FRYL: variants seen among roughly 807,000 people sequenced by gnomAD.
The protein encoded by FRYL is protein furry homolog-like.
Under a neutral mutation model 351.2 loss-of-function variants are expected in FRYL, and 150 were observed. That is an observed-to-expected ratio of 0.43 (90% CI 0.37 to 0.49). FRYL has a LOEUF of 0.49. Ranked by LOEUF, FRYL falls within the 20% of genes least tolerant of loss-of-function variation. The pLI, the probability that FRYL is intolerant of heterozygous loss-of-function variation, is 0.00. For missense variants in FRYL, 3,036 were observed against 3,619.3 expected (o/e 0.84, Z 4.13); for synonymous variants, 1,153 against 1,257.1 (o/e 0.92, Z 1.75).
At chr4:48,703,308 G>A (rs1471305488) in intron 2 of FRYL, among the ~76,000 whole-genome samples, 4 of 152,142 alleles carry the variant, frequency 2.6e-5, no homozygotes, top group Admixed American at 2.6e-4. Flanking sequence ...AATTAGAACT[G>A]AAAGAATTTT....
At chr4:48,734,448 C>T (rs1771072515) in intron 1 of FRYL, among the ~76,000 whole-genome samples, 1 of 152,080 alleles carries the variant, frequency 6.6e-6, no homozygotes, top group South Asian at 2.1e-4. Context: ...ATAGATGAAT[C>T]CACTATTAGA....
At chr4:48,619,522 T>C in intron 6 of FRYL, 152 bp from the exon 7 acceptor site, 1 of 512,730 alleles carries the variant, frequency 2.0e-6, no homozygotes, top group South Asian at 3.6e-5. Flanking sequence ...TATTTTTGTC[T>C]TTTTGGTTTG....
chr4:48,540,321 G>A, intron 46 of FRYL, 32 bp downstream of exon 46: 1 of 1,582,606 alleles, frequency 6.3e-7, no homozygotes, highest in African/African-American at 1.4e-5. Context: ...TGCATAAAAT[G>A]CAAAGTGCTG....
At chr4:48,774,281 GTCACTT>G (rs1775799417) in intron 1 of FRYL, among the ~76,000 whole-genome samples, 1 of 152,034 alleles carries the variant, frequency 6.6e-6, no homozygotes, top group South Asian at 2.1e-4. Flanking sequence ...CAAAAAAGCT[GTCACTT>G]TAAAATTTTA....
In FRYL at chr4:48,550,471, A is replaced by G. The variant is rs1162941442; in HGVS notation, c.4633+121T>C. Reference sequence around the variant, plus strand: ...TTTCAGATTATGTTGGAACACCACTAGTGGCAGTTAAATACGCTTTTTAAA... The same window carrying G: ...TTTCAGATTATGTTGGAACACCACTGGTGGCAGTTAAATACGCTTTTTAAA... On this transcript the variant is annotated intron_variant, in intron 38 of 63. Coordinates refer to ENST00000358350, the MANE Select transcript of FRYL (RefSeq NM_015030.2). 15 of 646,184 alleles carry G rather than the reference A, an allele frequency of 2.3e-5. No individual in the cohort carries two copies. In the Admixed American group the frequency reaches 3.7e-4, roughly 16 times the overall value. The allele number at this position is 646,184 out of a possible 1,614,324, so 40.0% of individuals were successfully genotyped here.
chr4:48,600,497 T>A (rs1334810304), intron 13 of FRYL, among the ~76,000 whole-genome samples: 2 of 152,094 alleles, frequency 1.3e-5, no homozygotes, highest in Non-Finnish European at 2.9e-5. Context: ...ATGCCAGAAA[T>A]ATTTAACAGG....
At chr4:48,726,683 AAAACAAAC>A (rs536966578) in intron 1 of FRYL, among the ~76,000 whole-genome samples, 1 of 152,132 alleles carries the variant, frequency 6.6e-6, no homozygotes, top group African/African-American at 2.4e-5. Flanking sequence ...CTCCATCTCC[AAAACAAAC>A]AAACAAACAA....
intron 47 of FRYL, among the ~76,000 whole-genome samples, chr4:48,537,547 C>T (rs1729155013): frequency 6.6e-6 from 1 of 152,142 alleles, no homozygotes; most frequent in Admixed American, 6.6e-5. Flanking sequence ...TTACTCTCTA[C>T]AGTTATAAGT....
chr4:48,530,351 G>C (rs561992473), intron 50 of FRYL, among the ~76,000 whole-genome samples: 2 of 152,054 alleles, frequency 1.3e-5, no homozygotes, highest in South Asian at 2.1e-4. Context: ...CATTACCTCT[G>C]CAATTGTCTT....
At chr4:48,500,534 A>T (rs1330717713) in intron 62 of FRYL, among the ~76,000 whole-genome samples, 1 of 152,174 alleles carries the variant, frequency 6.6e-6, no homozygotes, top group Admixed American at 6.5e-5. Flanking sequence ...GATCATGAAA[A>T]CTATATAACA....
At chr4:48,605,643 T>C (rs1204776351) in intron 11 of FRYL, 98 bp downstream of exon 11, 15 of 808,404 alleles carry the variant, frequency 1.9e-5, no homozygotes, top group Non-Finnish European at 3.1e-5. Flanking sequence ...CCACAGCTTA[T>C]TGTCATGTAA....
At position 48,623,150 on chromosome 4, in the gene FRYL, C is replaced by T; in HGVS notation, c.150G>A (p.Arg50=). 6.4e-7 allele frequency: 1 copy of T among 1,574,260 alleles called. No individual in the cohort carries two copies. Residue 50 remains arginine, a synonymous_variant, in exon 5 of 64, where the codon AGG becomes AGA. Transcript: ENST00000358350. ...LEKLLSRSLQ[R]GEDLQFDQLI... is the part of the protein sequence containing the mutation. ...CCTGATCAAACTGAAGATCTTCACCCCTCTGAAGAGATCTGGACAATAGCT... is the reference window on the plus strand; with the variant it reads ...CCTGATCAAACTGAAGATCTTCACCTCTCTGAAGAGATCTGGACAATAGCT...
chr4:48,774,986 T>C (rs1437705494), intron 1 of FRYL, among the ~76,000 whole-genome samples: 1 of 152,262 alleles, frequency 6.6e-6, no homozygotes, highest in African/African-American at 2.4e-5. Flanking sequence ...GATACCCATG[T>C]AGTCTCATAA....
intron 1 of FRYL, among the ~76,000 whole-genome samples, chr4:48,770,920 T>G (rs907456364): frequency 6.6e-6 from 1 of 152,174 alleles, no homozygotes; most frequent in African/African-American, 2.4e-5. Flanking sequence ...GGAAGAACAT[T>G]AGAACAGGAA....
intron 18 of FRYL, among the ~76,000 whole-genome samples, chr4:48,588,636 T>A (rs1204643655): frequency 6.6e-6 from 1 of 152,104 alleles, no homozygotes; most frequent in African/African-American, 2.4e-5. Context: ...AGGTAACTGT[T>A]TGGAAAACAC....
intron 4 of FRYL, among the ~76,000 whole-genome samples, chr4:48,625,168 A>G (rs961204444): frequency 6.6e-6 from 1 of 152,164 alleles, no homozygotes; most frequent in Non-Finnish European, 1.5e-5. Context: ...CTCTTTCTAC[A>G]TACATACAAA....
chr4:48,594,078 T>C, intron 15 of FRYL, 62 bp from the exon 16 acceptor site: 1 of 880,066 alleles, frequency 1.1e-6, no homozygotes, highest in Non-Finnish European at 1.7e-6. Context: ...CTAAGAATTA[T>C]AAATATAATA....
chr4:48,714,016 C>T (rs4694900), intron 1 of FRYL, among the ~76,000 whole-genome samples: 149,995 of 151,764 alleles, frequency 0.99, 74,145 homozygotes, highest in East Asian at 1. Context: ...TGCTCCTGAA[C>T]GACTACTGGG....
intron 7 of FRYL, among the ~76,000 whole-genome samples, chr4:48,616,585 A>G (rs1050975268): frequency 6.6e-6 from 1 of 152,212 alleles, no homozygotes; most frequent in African/African-American, 2.4e-5. Flanking sequence ...CCCAGGGTTT[A>G]TTACAATGAT....
Sources: allele counts gnomAD v4.1 joint callset (sites outside exome capture counted in the v4.1 genomes callset), GRCh38; gene constraint gnomAD v4.1.1; transcripts MANE v1.5; gene names NCBI Gene and HGNC (gene_info 2026-07-23, HGNC 2026-07-21).